LIN7A: variants seen among roughly 807,000 people sequenced by gnomAD.
LIN7A encodes the protein lin-7 cell polarity scaffold A.
A neutral mutation model predicts 29.8 loss-of-function variants in LIN7A; 25 were observed. That is an observed-to-expected ratio of 0.84 (90% CI 0.61 to 1.17). LIN7A has a LOEUF of 1.17. Among genes scored for constraint, LIN7A ranks in the 50% most tolerant of loss-of-function variants. The pLI, the probability that LIN7A is intolerant of heterozygous loss-of-function variation, is 0.00. For synonymous variants in LIN7A, 118 were observed against 107.5 expected (o/e 1.10, Z -0.60); for missense variants, 239 against 287.0 (o/e 0.83, Z 1.21).
chr12:80,820,732 G>A (rs936922706), intron 4 of LIN7A, among the ~76,000 whole-genome samples: 6 of 151,902 alleles, frequency 3.9e-5, no homozygotes, highest in Admixed American at 2.0e-4. Flanking sequence ...AATATTCCTC[G>A]AAAATGATAC....
At chr12:80,845,235 T>C (rs1353785819) in intron 4 of LIN7A, among the ~76,000 whole-genome samples, 3 of 38,680 alleles carry the variant, frequency 7.8e-5, no homozygotes, top group Non-Finnish European at 1.3e-4. Context: ...AGATTCCATC[T>C]CAAAAAAAAA....
At chr12:80,903,463 T>C (rs1367014257) in intron 1 of LIN7A, among the ~76,000 whole-genome samples, 2 of 152,144 alleles carry the variant, frequency 1.3e-5, no homozygotes, top group East Asian at 3.9e-4. Flanking sequence ...TGGTATTGAC[T>C]TTGTTTCTTA....
At position 80,795,040 on chromosome 12, in the gene LIN7A, C is replaced by T. The variant is rs746797906; in HGVS notation, c.*2687G>A. 15 of 152,084 alleles carry T rather than the reference C, an allele frequency of 9.9e-5. No homozygotes were observed. The highest frequency in any genetic ancestry group is 2.6e-4 in the Admixed American group (4 of 15,252). The allele number at this position is 152,084 out of a possible 1,614,324, so 9.4% of individuals were successfully genotyped here. On this transcript the variant is annotated 3_prime_UTR_variant, in exon 6 of 6. Coordinates refer to ENST00000552864, the MANE Select transcript of LIN7A (RefSeq NM_004664.4). ...ATCGTAGAAGTTTTTTAAATTATAA[C>T]GTTTAATACCTAATTTGTTTATTAC...
intron 1 of LIN7A, among the ~76,000 whole-genome samples, chr12:80,897,999 T>C (rs538025110): frequency 6.6e-6 from 1 of 152,336 alleles, no homozygotes; most frequent in East Asian, 1.9e-4. Context: ...TGTTAGGTTT[T>C]GGTTTTGTTG....
chr12:80,908,238 C>T (rs1342556081), intron 1 of LIN7A, among the ~76,000 whole-genome samples: 1 of 151,986 alleles, frequency 6.6e-6, no homozygotes, highest in African/African-American at 2.4e-5. Context: ...TAGATTTAGT[C>T]TTAAAAATAG....
At chr12:80,798,206 A>C (rs1381179165) in intron 5 of LIN7A, among the ~76,000 whole-genome samples, 2 of 152,202 alleles carry the variant, frequency 1.3e-5, no homozygotes, top group Non-Finnish European at 2.9e-5. Flanking sequence ...ACACCACATG[A>C]AACAGAGTAG....
chr12:80,893,265 T>C (rs1195823800), intron 1 of LIN7A, among the ~76,000 whole-genome samples: 1 of 152,194 alleles, frequency 6.6e-6, no homozygotes, highest in African/African-American at 2.4e-5. Flanking sequence ...CAATTAGTGC[T>C]AAGGCGGTCG....
intron 1 of LIN7A, among the ~76,000 whole-genome samples, chr12:80,897,994 G>A (rs567879535): frequency 6.6e-6 from 1 of 152,090 alleles, no homozygotes; most frequent in African/African-American, 2.4e-5. Context: ...CCATTTGTTA[G>A]GTTTTGGTTT....
chr12:80,886,944 C>T (rs1654569138), intron 2 of LIN7A, among the ~76,000 whole-genome samples: 1 of 152,054 alleles, frequency 6.6e-6, no homozygotes, highest in African/African-American at 2.4e-5. Flanking sequence ...CCAGACCCAA[C>T]TTCTCCCCCA....
intron 2 of LIN7A, among the ~76,000 whole-genome samples, chr12:80,887,881 TA>T (rs902027374): frequency 5.3e-5 from 8 of 151,846 alleles, no homozygotes; most frequent in Admixed American, 4.6e-4. Flanking sequence ...GTAGAATCTC[TA>T]AAAAGGAAAA....
chr12:80,894,506 A>G (rs1555227678), intron 1 of LIN7A, among the ~76,000 whole-genome samples: 1 of 152,180 alleles, frequency 6.6e-6, no homozygotes, highest in Non-Finnish European at 1.5e-5. Context: ...TTTAAAATTT[A>G]TGCATTGCTT....
chr12:80,910,623 C>G (rs1876702593), intron 1 of LIN7A, among the ~76,000 whole-genome samples: 2 of 151,944 alleles, frequency 1.3e-5, no homozygotes, highest in Non-Finnish European at 2.9e-5. Flanking sequence ...TTTTCTACAC[C>G]TATTGAGATG....
intron 1 of LIN7A, among the ~76,000 whole-genome samples, chr12:80,889,609 C>T (rs1484826362): frequency 2.0e-5 from 3 of 152,118 alleles, no homozygotes; most frequent in Non-Finnish European, 4.4e-5. Context: ...TTGTGTCATA[C>T]AAATGAATTT....
chr12:80,814,586 G>A (rs1871444199), intron 4 of LIN7A, among the ~76,000 whole-genome samples: 1 of 151,998 alleles, frequency 6.6e-6, no homozygotes, highest in African/African-American at 2.4e-5. Flanking sequence ...TGCCACAGGA[G>A]GGCTGTGGTA....
intron 1 of LIN7A, among the ~76,000 whole-genome samples, chr12:80,926,662 A>G (rs1229001537): frequency 6.6e-6 from 1 of 152,154 alleles, no homozygotes; most frequent in Non-Finnish European, 1.5e-5. Flanking sequence ...ACCTCTAAAT[A>G]TAATATTTGA....
intron 4 of LIN7A, among the ~76,000 whole-genome samples, chr12:80,834,620 T>C (rs1271894395): frequency 6.6e-6 from 1 of 152,232 alleles, no homozygotes; most frequent in African/African-American, 2.4e-5. Flanking sequence ...GTAGTTCTAA[T>C]ACCACAATTG....
intron 1 of LIN7A, among the ~76,000 whole-genome samples, chr12:80,909,191 A>G (rs1349247688): frequency 1.3e-5 from 2 of 152,090 alleles, no homozygotes; most frequent in African/African-American, 2.4e-5. Flanking sequence ...TGGTTACCCA[A>G]TTTTTACAGT....
chr12:80,842,192 C>T, intron 4 of LIN7A: 1 of 1,166,074 alleles, frequency 8.6e-7, no homozygotes. Flanking sequence ...TATTGATTTC[C>T]CCCCCTTTCC....
chr12:80,846,063 A>G lies in LIN7A; in HGVS notation c.274-124T>C, dbSNP rs1234458122. On this transcript the variant is annotated intron_variant, in intron 3 of 5. Coordinates refer to ENST00000552864, the MANE Select transcript of LIN7A (RefSeq NM_004664.4). ...TTTTTATAGTATTCTCCTGTGAAAG[A>G]AAGAACACAAAAAGCAGAGGACTTT... 9 of 800,288 alleles carry G rather than the reference A, an allele frequency of 1.1e-5. No individual in the cohort carries two copies. In the Admixed American group the frequency reaches 3.4e-4, roughly 30 times the overall value. The allele number at this position is 800,288 out of a possible 1,614,324, so 49.6% of individuals were successfully genotyped here.
Sources: allele counts gnomAD v4.1 joint callset (sites outside exome capture counted in the v4.1 genomes callset), GRCh38; gene constraint gnomAD v4.1.1; transcripts MANE v1.5; gene names NCBI Gene and HGNC (gene_info 2026-07-23, HGNC 2026-07-21).